The following UNC5C variants were observed in gnomAD, a reference collection of about 807,000 sequenced individuals.
The protein encoded by UNC5C is unc-5 netrin receptor C, also known as netrin receptor UNC5C.
UNC5C carries 47 observed loss-of-function variants against 99.8 expected under a neutral mutation model. The observed-to-expected ratio is 0.47, with a 90% confidence interval of 0.37 to 0.60. The LOEUF is 0.60. Among genes scored for constraint, UNC5C ranks in the 20% least tolerant of loss-of-function variants. The probability of loss-of-function intolerance (pLI) is 0.00; values close to 1 mark genes in which losing one functional copy is unlikely to be tolerated. For missense variants in UNC5C, 1,062 were observed against 1,165.9 expected (o/e 0.91, Z 1.30); for synonymous variants, 487 against 452.2 (o/e 1.08, Z -0.98).
At chr4:95,403,943 T>C (rs1745767013) in intron 1 of UNC5C, among the ~76,000 whole-genome samples, 1 of 152,206 alleles carries the variant, frequency 6.6e-6, no homozygotes, top group Admixed American at 6.5e-5. Context: ...GCCTCCTGTG[T>C]GGTGAGTACA....
chr4:95,219,866 C>T (rs1162444090), intron 8 of UNC5C, 119 bp downstream of exon 8: 3 of 1,086,048 alleles, frequency 2.8e-6, no homozygotes, highest in East Asian at 2.4e-5. Flanking sequence ...ACAAAATTAA[C>T]TCAAATTGCT....
intron 12 of UNC5C, among the ~76,000 whole-genome samples, chr4:95,197,864 C>T (rs1737492622): frequency 6.6e-6 from 1 of 151,918 alleles, no homozygotes; most frequent in South Asian, 2.1e-4. Flanking sequence ...GAAAAGGCTG[C>T]AGCAGCTCAT....
At chr4:95,177,622 G>T (rs1480146138) in intron 14 of UNC5C, among the ~76,000 whole-genome samples, 1 of 152,162 alleles carries the variant, frequency 6.6e-6, no homozygotes, top group Non-Finnish European at 1.5e-5. Flanking sequence ...GAAATCTTTT[G>T]CCATGGTATG....
At chr4:95,315,546 C>T (rs983389727) in intron 2 of UNC5C, among the ~76,000 whole-genome samples, 2 of 152,108 alleles carry the variant, frequency 1.3e-5, no homozygotes, top group African/African-American at 4.8e-5. Flanking sequence ...TTCATATCTC[C>T]AGGCAAAGTT....
chr4:95,509,196 T>A (rs78197442), intron 1 of UNC5C, among the ~76,000 whole-genome samples: 6,642 of 151,840 alleles, frequency 0.044, 193 homozygotes, highest in Middle Eastern at 0.071. Context: ...CCAGAGAAAA[T>A]TTTTTTGTAG....
intron 1 of UNC5C, among the ~76,000 whole-genome samples, chr4:95,358,763 C>A (rs956711003): frequency 2.6e-5 from 4 of 152,130 alleles, no homozygotes; most frequent in African/African-American, 9.7e-5. Flanking sequence ...TTAAGGCATT[C>A]TTTGTCACTT....
intron 1 of UNC5C, among the ~76,000 whole-genome samples, chr4:95,338,208 TC>T (rs1443272683): frequency 6.6e-6 from 1 of 152,032 alleles, no homozygotes; most frequent in African/African-American, 2.4e-5. Context: ...GGTCCCACCA[TC>T]AAGTTAACAT....
At chr4:95,201,896 A>G (rs540926201) in intron 12 of UNC5C, among the ~76,000 whole-genome samples, 123 of 151,800 alleles carry the variant, frequency 8.1e-4, no homozygotes, top group East Asian at 3.5e-3. Context: ...GAGCCACCAC[A>G]CCCGGCCGAG....
At chr4:95,438,658 A>G (rs1746859881) in intron 1 of UNC5C, among the ~76,000 whole-genome samples, 1 of 152,126 alleles carries the variant, frequency 6.6e-6, no homozygotes, top group Admixed American at 6.5e-5. Context: ...ATTTCAGGCA[A>G]CTACAGGGGT....
intron 12 of UNC5C, among the ~76,000 whole-genome samples, chr4:95,185,952 A>G (rs776742807): frequency 3.5e-5 from 5 of 142,086 alleles, no homozygotes; most frequent in African/African-American, 5.0e-5. Context: ...AAAATTTGCT[A>G]CATAATTTTC....
At chr4:95,461,111 C>G (rs1223903760) in intron 1 of UNC5C, among the ~76,000 whole-genome samples, 1 of 152,146 alleles carries the variant, frequency 6.6e-6, no homozygotes, top group Non-Finnish European at 1.5e-5. Context: ...GATAGTTATT[C>G]TGCTTAGTTA....
intron 2 of UNC5C, among the ~76,000 whole-genome samples, chr4:95,333,602 A>G (rs528359103): frequency 1.3e-5 from 2 of 152,046 alleles, no homozygotes; most frequent in South Asian, 2.1e-4. Context: ...GGATAGCATT[A>G]GGAGATATAC....
chr4:95,476,926 G>C (rs113572497), intron 1 of UNC5C, among the ~76,000 whole-genome samples: 10 of 152,138 alleles, frequency 6.6e-5, no homozygotes, highest in African/African-American at 2.4e-4. Flanking sequence ...CCACAACCTT[G>C]TATGGGGAGA....
chr4:95,338,817 A>G (rs144356345), intron 1 of UNC5C, among the ~76,000 whole-genome samples: 2 of 152,232 alleles, frequency 1.3e-5, no homozygotes, highest in Non-Finnish European at 2.9e-5. Flanking sequence ...ATTTACAATT[A>G]TAAGATGTTT....
intron 2 of UNC5C, among the ~76,000 whole-genome samples, chr4:95,329,710 C>T (rs551004008): frequency 4.5e-4 from 69 of 152,258 alleles, no homozygotes; most frequent in South Asian, 2.9e-3. Context: ...ATAAAATTAG[C>T]CCTTTGGCTA....
chr4:95,184,281 G>A (rs1736739876), intron 13 of UNC5C, among the ~76,000 whole-genome samples: 1 of 152,214 alleles, frequency 6.6e-6, no homozygotes, highest in African/African-American at 2.4e-5. Flanking sequence ...GAGCCAGAAT[G>A]TCTTCCCATC....
intron 12 of UNC5C, among the ~76,000 whole-genome samples, chr4:95,190,600 G>A (rs1449033429): frequency 3.9e-5 from 6 of 152,096 alleles, no homozygotes; most frequent in African/African-American, 1.4e-4. Flanking sequence ...TTACAGGCAT[G>A]AGCCACTGCG....
rs1386720012 is a variant in UNC5C, at chr4:95,301,733, T to C, written c.363A>G (p.Glu121=). ...VDETSGLIVR[E]VSIEISRQQV... ...GCTGGCGCGAAATCTCAATGCTCAC[T>C]TCCCGGACAATGAGACCTGACAAGA... The change falls in exon 3 of 16, where the codon GAA becomes GAG. Residue 121 remains glutamate (E), a synonymous_variant. Coordinates refer to ENST00000453304, the MANE Select transcript of UNC5C (RefSeq NM_003728.4). The C allele has an allele frequency of 1.2e-6, 2 of 1,612,888 alleles. No homozygotes were observed. Among genetic ancestry groups the C allele is most frequent in the African/African-American group, 1.3e-5 (1 of 74,992 alleles).
chr4:95,230,497 T>C (rs1315045309), intron 7 of UNC5C, among the ~76,000 whole-genome samples: 1 of 152,188 alleles, frequency 6.6e-6, no homozygotes, highest in Non-Finnish European at 1.5e-5. Flanking sequence ...TTTTGATGTT[T>C]TAGTCATGAA....
Sources: gnomAD v4.1 joint callset for allele counts (sites outside exome capture counted in the v4.1 genomes callset) on GRCh38, gnomAD v4.1.1 for gene constraint, MANE v1.5 for transcripts, NCBI Gene and HGNC (gene_info 2026-07-23, HGNC 2026-07-21) for gene names.